Variants in TEX11 observed in about 807,000 individuals in gnomAD.
The protein encoded by TEX11 is testis expressed 11.
A neutral mutation model predicts 84.4 loss-of-function variants in TEX11; 7 were observed. That is an observed-to-expected ratio of 0.08 (90% CI 0.05 to 0.16). The LOEUF (loss-of-function observed/expected upper bound fraction) is 0.16. Ranked by LOEUF, TEX11 falls within the 10% of genes least tolerant of loss-of-function variation. The pLI is 1.00. For missense variants in TEX11, 551 were observed against 660.5 expected, an observed-to-expected ratio of 0.83 and a Z score of 1.82; for synonymous variants, 264 against 222.8, an observed-to-expected ratio of 1.18 and a Z score of -1.64.
chrX:70,658,436 C>CA (rs1208868698), intron 16 of TEX11, among the ~76,000 whole-genome samples: 1 of 110,590 alleles, frequency 9.0e-6, no homozygotes, highest in Non-Finnish European at 1.9e-5. Context: ...AACAAACAAA[C>CA]AAAAAAACCC....
intron 17 of TEX11, among the ~76,000 whole-genome samples, chrX:70,649,488 GT>G (rs1342004536): frequency 8.9e-6 from 1 of 112,396 alleles, no homozygotes; most frequent in Admixed American, 9.4e-5. Flanking sequence ...AACATAGCTG[GT>G]TCACAGGTGA....
the TEX11 span, among the ~76,000 whole-genome samples, chrX:70,516,264 T>G: frequency 8.9e-6 from 1 of 112,242 alleles, no homozygotes; most frequent in Non-Finnish European, 1.9e-5. Flanking sequence ...GGTCTAACAT[T>G]TAAGTCTTTA....
chrX:70,605,259 A>G (rs17301881), intron 24 of TEX11, 142 bp downstream of exon 24: 46,081 of 386,458 alleles, frequency 0.12, 2,314 homozygotes, highest in Middle Eastern at 0.19. Flanking sequence ...GGAATTAGCC[A>G]TTACAAACTT....
At chrX:70,743,113 A>G (rs1318865577) in intron 10 of TEX11, among the ~76,000 whole-genome samples, 2 of 111,922 alleles carry the variant, frequency 1.8e-5, no homozygotes, top group Non-Finnish European at 3.8e-5. Flanking sequence ...ACTACTCTAC[A>G]TACCTCACAT....
At chrX:70,575,783 TAAC>T (rs915603077) in intron 25 of TEX11, among the ~76,000 whole-genome samples, 4 of 112,058 alleles carry the variant, frequency 3.6e-5, no homozygotes, top group African/African-American at 1.3e-4. Flanking sequence ...ATCCCCAAAC[TAAC>T]AATGTTCTCC....
At chrX:70,665,273 T>C (rs1731730062) in intron 16 of TEX11, among the ~76,000 whole-genome samples, 1 of 111,575 alleles carries the variant, frequency 9.0e-6, no homozygotes, top group Admixed American at 9.5e-5. Context: ...TCATTATCCA[T>C]CTGTCAACTA....
chrX:70,847,609 G>A (rs1399004184), intron 7 of TEX11, among the ~76,000 whole-genome samples: 2 of 111,658 alleles, frequency 1.8e-5, no homozygotes, highest in African/African-American at 6.5e-5. Flanking sequence ...CTGGAGTGCC[G>A]TGGTGTAATC....
chrX:70,764,775 A>G (rs1293482320), intron 9 of TEX11, among the ~76,000 whole-genome samples: 1 of 111,624 alleles, frequency 9.0e-6, no homozygotes, highest in Non-Finnish European at 1.9e-5. Context: ...TTGAAGCATA[A>G]AGAAATCCAA....
At chrX:70,578,740 C>A (rs1356317189) in intron 25 of TEX11, among the ~76,000 whole-genome samples, 1 of 104,237 alleles carries the variant, frequency 9.6e-6, no homozygotes, top group Non-Finnish European at 2.0e-5. Context: ...TTTTTTAACT[C>A]CAAGAAAAAA....
intron 13 of TEX11, among the ~76,000 whole-genome samples, chrX:70,687,347 T>G (rs2090197802): frequency 8.9e-6 from 1 of 112,168 alleles, no homozygotes; most frequent in Non-Finnish European, 1.9e-5. Context: ...CTCAATATTC[T>G]TAAGTATTTA....
chrX:70,881,958 G>A (rs1473582664), intron 2 of TEX11, among the ~76,000 whole-genome samples: 1 of 104,500 alleles, frequency 9.6e-6, no homozygotes, highest in East Asian at 3.0e-4. Flanking sequence ...GAACCCAGGA[G>A]GCAGAGGTTG....
Position 70,871,314 on chromosome X carries a change from C to T in TEX11, c.244+1909G>A, listed in dbSNP as rs765175539. On this transcript the variant is annotated intron_variant, in intron 4 of 29. Transcript: ENST00000374333. Reference sequence around the variant, plus strand: ...CTTCAACTACCACCTCTGTGTAAATCATTGCCAAATCTGTAGGCTCAGTCC... The same window carrying T: ...CTTCAACTACCACCTCTGTGTAAATTATTGCCAAATCTGTAGGCTCAGTCC... Among the ~76,000 whole-genome samples, 9 of 112,362 alleles carry T rather than the reference C, an allele frequency of 8.0e-5. No individual in the cohort carries two copies. The Admixed American group carries it at 8.5e-4, about 11-fold the overall frequency.
intron 7 of TEX11, among the ~76,000 whole-genome samples, chrX:70,845,060 C>G (rs1467754258): frequency 8.9e-6 from 1 of 112,177 alleles, no homozygotes; most frequent in Non-Finnish European, 1.9e-5. Context: ...CAATTGTTTT[C>G]CCAGAAGTCA....
intron 2 of TEX11, among the ~76,000 whole-genome samples, chrX:70,905,380 C>G (rs933785199): frequency 9.0e-6 from 1 of 111,146 alleles, no homozygotes; most frequent in African/African-American, 3.3e-5. Context: ...CCCAGCATTT[C>G]TTTTCAGTCA....
chrX:70,711,738 T>C (rs1296520653), intron 13 of TEX11, among the ~76,000 whole-genome samples: 2 of 111,470 alleles, frequency 1.8e-5, no homozygotes, highest in African/African-American at 6.5e-5. Context: ...ATTTTGTAGG[T>C]TGCCTGTTCA....
chrX:70,839,350 A>C (rs2091427012), intron 7 of TEX11, among the ~76,000 whole-genome samples: 1 of 111,937 alleles, frequency 8.9e-6, no homozygotes, highest in Admixed American at 9.5e-5. Flanking sequence ...GCTGTTCTGC[A>C]GCCACCACTG....
Position 70,897,179 on chromosome X carries a change from T to TTATATATAATATATGTTATATATTATA in TEX11, c.37+10547_37+10573dup, listed in dbSNP as rs1569462969. 2.4e-4 allele frequency among the ~76,000 whole-genome samples: 13 copies of TTATATATAATATATGTTATATATTATA among 54,739 alleles called. No individual in the cohort carries two copies. The South Asian group carries it at 7.5e-3, about 32-fold the overall frequency. 47.5% of individuals were successfully genotyped at this position (54,739 alleles called of 115,157 possible). A position where few individuals can be genotyped will look rare whatever the true frequency, so the allele number is the denominator to read the frequency against. ...TAACATATATATTTTTATATATATG[T>TTATATATAATATATGTTATATATTATA]TATATATAATATATGTTATATATTA... On this transcript the variant is annotated intron_variant, in intron 2 of 29. Transcript: ENST00000374333.
Position 70,754,162 on chromosome X carries a change from T to C in TEX11, c.693-9943A>G, listed in dbSNP as rs536831145. On this transcript the variant is annotated intron_variant, in intron 9 of 29. Coordinates refer to ENST00000374333, the MANE Select transcript of TEX11 (RefSeq NM_031276.3). ...GCTCTTAGGGTCCCCAATTCCAGGA[T>C]TGGCTCTTGAATGGCATTTCTGGAC... Among the ~76,000 whole-genome samples the C allele has an allele frequency of 5.4e-5, 6 of 111,212 alleles. No homozygotes were observed. In the South Asian group the frequency reaches 2.3e-3, roughly 43 times the overall value.
chrX:70,678,232 T>C (rs2090091290), intron 15 of TEX11, among the ~76,000 whole-genome samples: 1 of 111,141 alleles, frequency 9.0e-6, no homozygotes, highest in Non-Finnish European at 1.9e-5. Context: ...GGAGAGGGGC[T>C]TGTTGTTCAA....
Sources: allele counts gnomAD v4.1 joint callset (sites outside exome capture counted in the v4.1 genomes callset), GRCh38; gene constraint gnomAD v4.1.1; transcripts MANE v1.5; gene names NCBI Gene and HGNC (gene_info 2026-07-23, HGNC 2026-07-21).